Variants in ERLEC1 observed in about 807,000 individuals in gnomAD.
The protein encoded by ERLEC1 is ER lectin.
In ERLEC1, 47 loss-of-function variants were observed where a neutral mutation model predicts 68.0. That is an observed-to-expected ratio of 0.69 (90% CI 0.55 to 0.88). The LOEUF (loss-of-function observed/expected upper bound fraction) is 0.88, where lower values mean the gene tolerates loss of function less well. Ranked by LOEUF, ERLEC1 falls within the 40% of genes least tolerant of loss-of-function variation. The pLI is 0.00. For synonymous variants in ERLEC1, 225 were observed against 203.2 expected (o/e 1.11, Z -0.91); for missense variants, 567 against 583.8 (o/e 0.97, Z 0.30).
At chr2:53,813,869 A>G (rs890075709) in intron 11 of ERLEC1, among the ~76,000 whole-genome samples, 22 of 152,034 alleles carry the variant, frequency 1.4e-4, no homozygotes, top group African/African-American at 5.1e-4. Flanking sequence ...TACATGTGCC[A>G]TGCTGGTGTG....
At chr2:53,811,963 G>T (rs1329465394) in intron 10 of ERLEC1, among the ~76,000 whole-genome samples, 1 of 152,110 alleles carries the variant, frequency 6.6e-6, no homozygotes, top group Admixed American at 6.6e-5. Flanking sequence ...TATTGCTCAG[G>T]CTGGAGTGCA....
chr2:53,787,544 A>C, intron 1 of ERLEC1, 172 bp downstream of exon 1: 1 of 676,802 alleles, frequency 1.5e-6, no homozygotes, highest in South Asian at 2.7e-5. Context: ...TTCTCACGTT[A>C]TGTGGATGCG....
Position 53,801,600 on chromosome 2 carries a change from G to T in ERLEC1, c.729G>T (p.Leu243Phe). 2 of 1,613,982 alleles carry T rather than the reference G, an allele frequency of 1.2e-6. No homozygotes were observed. The highest frequency in any genetic ancestry group is 1.7e-6 in the Non-Finnish European group (2 of 1,179,914). ...AAGTTGTCATTTTGACACCACTCTT[G>T]TGCAGTCATCCTAAATATAGGTAGG... ...EYEVVILTPL[L>F]CSHPKYRFRA... is the part of the protein sequence containing the mutation. Residue 243 changes from leucine to phenylalanine, a missense_variant, in exon 7 of 14, where the codon TTG becomes TTT. Transcript: ENST00000185150.
rs1273475960 is a variant in ERLEC1, at chr2:53,796,070, C to G, written c.348+57C>G. The G allele has an allele frequency of 4.3e-6, 5 of 1,171,950 alleles. No homozygotes were observed. In the Admixed American group the frequency reaches 7.2e-5, roughly 17 times the overall value. The allele number at this position is 1,171,950 out of a possible 1,614,324, so 72.6% of individuals were successfully genotyped here. On this transcript the variant is annotated intron_variant, in intron 3 of 13. Transcript: ENST00000185150. ...AAATAGATTACCAACAGCCAACAGA[C>G]CTTTGAAAATACCGTTTCTTCTTTA...
At chr2:53,801,676 C>G (rs1156534978) in intron 7 of ERLEC1, 37 bp from the exon 8 acceptor site, 5 of 1,612,940 alleles carry the variant, frequency 3.1e-6, no homozygotes, top group Non-Finnish European at 4.2e-6. Context: ...TTAAAGTGTT[C>G]TGTGCATAGC....
intron 1 of ERLEC1, chr2:53,787,607 A>G (rs1172096741): frequency 1.2e-5 from 5 of 413,212 alleles, no homozygotes; most frequent in Non-Finnish European, 2.1e-5. Flanking sequence ...CCACCTTTTC[A>G]ATTCTGTCGC....
intron 13 of ERLEC1, among the ~76,000 whole-genome samples, chr2:53,817,376 G>A (rs1372570204): frequency 1.3e-5 from 2 of 151,874 alleles, no homozygotes; most frequent in Non-Finnish European, 2.9e-5. Context: ...CTCACGATCC[G>A]CCCGTCTCGG....
chr2:53,796,246 G>GTTTTTTTTTTTTTTTTT (rs200295316), intron 3 of ERLEC1, among the ~76,000 whole-genome samples: 2 of 126,466 alleles, frequency 1.6e-5, no homozygotes, highest in Non-Finnish European at 3.3e-5. Context: ...TGATGGGTTG[G>GTTTTTTTTTTTTTTTTT]TTTTTTTTTT....
At chr2:53,791,906 TAAAAAAA>T (rs569591198) in intron 1 of ERLEC1, among the ~76,000 whole-genome samples, 11,439 of 117,772 alleles carry the variant, frequency 0.097, 589 homozygotes, top group Non-Finnish European at 0.13. Flanking sequence ...AATGCTCTTT[TAAAAAAA>T]AAAAAAAAAA....
chr2:53,788,980 C>T (rs1461343718), intron 1 of ERLEC1, among the ~76,000 whole-genome samples: 1 of 152,030 alleles, frequency 6.6e-6, no homozygotes, highest in Non-Finnish European at 1.5e-5. Flanking sequence ...TGAAAACTTA[C>T]TATAAGCGAG....
At chr2:53,806,944 C>T (rs1388528879) in intron 8 of ERLEC1, among the ~76,000 whole-genome samples, 5 of 152,128 alleles carry the variant, frequency 3.3e-5, no homozygotes, top group African/African-American at 1.2e-4. Context: ...TACATCCAAC[C>T]CTGTCACTCC....
intron 1 of ERLEC1, 58 bp from the exon 2 acceptor site, chr2:53,794,287 A>T (rs1675566416): frequency 4.3e-6 from 3 of 702,556 alleles, no homozygotes; most frequent in East Asian, 2.9e-5. Context: ...GACTAAAGTT[A>T]TTCAGTGTGA....
At chr2:53,815,400 A>G (rs1676824833) in intron 13 of ERLEC1, among the ~76,000 whole-genome samples, 1 of 152,182 alleles carries the variant, frequency 6.6e-6, no homozygotes, top group Non-Finnish European at 1.5e-5. Flanking sequence ...AATAGTTGAC[A>G]TGGTTTTTCT....
intron 1 of ERLEC1, among the ~76,000 whole-genome samples, chr2:53,790,093 T>A (rs564422727): frequency 5.9e-5 from 9 of 151,700 alleles, no homozygotes; most frequent in Non-Finnish European, 1.2e-4. Flanking sequence ...ATGGGCCAGT[T>A]GGTTGGACAT....
intron 10 of ERLEC1, among the ~76,000 whole-genome samples, chr2:53,811,251 T>A (rs1239891477): frequency 1.3e-5 from 2 of 148,720 alleles, no homozygotes; most frequent in Non-Finnish European, 2.9e-5. Context: ...GACCTTTAAG[T>A]TGTTTCCAGT....
At chr2:53,799,130 AG>A in intron 6 of ERLEC1, 49 bp downstream of exon 6, 2 of 1,519,858 alleles carry the variant, frequency 1.3e-6, no homozygotes, top group Non-Finnish European at 1.8e-6. Flanking sequence ...ATTGTTAGTG[AG>A]GTATGAATTT....
At chr2:53,808,203 A>T (rs1676400092) in intron 8 of ERLEC1, 96 bp from the exon 9 acceptor site, 2 of 1,347,242 alleles carry the variant, frequency 1.5e-6, no homozygotes, top group Non-Finnish European at 1.0e-6. Context: ...TTATTTTTCA[A>T]ATTTTCTGCA....
intron 12 of ERLEC1, 91 bp downstream of exon 12, chr2:53,814,711 T>C (rs1676771150): frequency 3.8e-6 from 4 of 1,044,844 alleles, no homozygotes; most frequent in Non-Finnish European, 5.7e-6. Context: ...TAATTATGAA[T>C]AATTATGAAA....
At chr2:53,791,389 ACTAT>A (rs1290467866) in intron 1 of ERLEC1, among the ~76,000 whole-genome samples, 6 of 152,218 alleles carry the variant, frequency 3.9e-5, no homozygotes, top group South Asian at 4.1e-4. Flanking sequence ...AGTTTTTTAT[ACTAT>A]CTAATTCTGT....
Sources: gnomAD v4.1 joint callset for allele counts (sites outside exome capture counted in the v4.1 genomes callset) on GRCh38, gnomAD v4.1.1 for gene constraint, MANE v1.5 for transcripts, NCBI Gene and HGNC (gene_info 2026-07-23, HGNC 2026-07-21) for gene names.